The following TMEFF2 variants were observed in gnomAD, a reference collection of about 807,000 sequenced individuals.
The protein encoded by TMEFF2 is transmembrane protein with EGF like and two follistatin like domains 2, also known as tomoregulin-2.
TMEFF2 carries 28 observed loss-of-function variants against 53.8 expected under a neutral mutation model. The ratio of observed to expected loss-of-function variants is 0.52; its 90% CI spans 0.39 to 0.71. The LOEUF (loss-of-function observed/expected upper bound fraction) is 0.71, where lower values mean the gene tolerates loss of function less well. Among genes scored for constraint, TMEFF2 ranks in the 30% least tolerant of loss-of-function variants. The pLI, the probability that TMEFF2 is intolerant of heterozygous loss-of-function variation, is 0.00. For missense variants in TMEFF2, 353 were observed against 455.2 expected (o/e 0.78, Z 2.04); for synonymous variants, 162 against 166.3 (o/e 0.97, Z 0.20).
At chr2:192,074,681 C>T (rs905607780) in intron 4 of TMEFF2, among the ~76,000 whole-genome samples, 5 of 151,864 alleles carry the variant, frequency 3.3e-5, no homozygotes, top group Non-Finnish European at 5.9e-5. Context: ...TTCAACTGGT[C>T]AACAGCAACA....
Position 192,191,969 on chromosome 2 carries a change from C to T in TMEFF2, c.193G>A (p.Asp65Asn), listed in dbSNP as rs555477719. The T allele has an allele frequency of 1.2e-6, 2 of 1,612,614 alleles. No individual in the cohort carries two copies. Among genetic ancestry groups the T allele is most frequent in the Admixed American group, 3.3e-5 (2 of 60,008 alleles). ...NCSGYDDREN[D>N]LFLCDTNTCK... ...GTGTTGGTGTCACAGAGGAAGAGAT[C>T]ATTTTCTCTGTCATCATAACCTCAA... Residue 65 changes from aspartate to asparagine, a missense_variant, in exon 2 of 10, where the codon GAT becomes AAT. Transcript: ENST00000272771.
At chr2:192,072,817 T>C (rs977051744) in intron 4 of TMEFF2, among the ~76,000 whole-genome samples, 4 of 151,936 alleles carry the variant, frequency 2.6e-5, no homozygotes, top group Non-Finnish European at 4.4e-5. Context: ...AGAGATTTAG[T>C]CTATATAGTA....
intron 4 of TMEFF2, among the ~76,000 whole-genome samples, chr2:192,109,679 A>G (rs1559130183): frequency 6.6e-6 from 1 of 152,112 alleles, no homozygotes; most frequent in Non-Finnish European, 1.5e-5. Flanking sequence ...TGAAACAACC[A>G]TTTGTTTTCT....
At chr2:191,969,168 G>T (rs71414958) in intron 7 of TMEFF2, among the ~76,000 whole-genome samples, 4,214 of 22,476 alleles carry the variant, frequency 0.19, 158 homozygotes, top group African/African-American at 0.29. Context: ...TATATATATA[G>T]AGAGAGAGAG....
intron 5 of TMEFF2, among the ~76,000 whole-genome samples, chr2:192,007,875 G>C (rs34213493): frequency 6.6e-6 from 1 of 152,120 alleles, no homozygotes; most frequent in Admixed American, 6.5e-5. Context: ...TTGGTGGCTC[G>C]CTACTTAAGG....
chr2:192,047,025 A>G (rs917924002), intron 5 of TMEFF2, among the ~76,000 whole-genome samples: 6 of 151,802 alleles, frequency 4.0e-5, no homozygotes, highest in African/African-American at 1.5e-4. Context: ...GGTTCAGGCA[A>G]TTCTCCTGCT....
intron 5 of TMEFF2, among the ~76,000 whole-genome samples, chr2:192,011,186 C>T (rs539007827): frequency 2.9e-4 from 44 of 152,258 alleles, no homozygotes; most frequent in African/African-American, 1.1e-3. Context: ...AAGCATTCCC[C>T]AATGATAAAG....
intron 5 of TMEFF2, among the ~76,000 whole-genome samples, chr2:192,057,145 G>A (rs1191443251): frequency 2.0e-5 from 3 of 152,160 alleles, no homozygotes; most frequent in Non-Finnish European, 2.9e-5. Context: ...CTGTGCTCAA[G>A]TGTTCCTCCC....
intron 4 of TMEFF2, among the ~76,000 whole-genome samples, chr2:192,080,100 G>C (rs1443945583): frequency 1.3e-5 from 2 of 152,130 alleles, no homozygotes; most frequent in African/African-American, 2.4e-5. Context: ...ACATCAATTA[G>C]ACCACATTAT....
chr2:192,135,623 C>T (rs1242109460), intron 4 of TMEFF2, among the ~76,000 whole-genome samples: 8 of 151,888 alleles, frequency 5.3e-5, no homozygotes, highest in African/African-American at 1.5e-4. Flanking sequence ...AAATTTTCGC[C>T]GCCCCAACAC....
intron 8 of TMEFF2, among the ~76,000 whole-genome samples, chr2:191,954,612 ATGT>A (rs1232708508): frequency 6.6e-6 from 1 of 152,140 alleles, no homozygotes; most frequent in East Asian, 1.9e-4. Context: ...GTCAGAATAA[ATGT>A]TGAGAAATAT....
At chr2:192,134,550 TTCTA>T (rs578131439) in intron 4 of TMEFF2, among the ~76,000 whole-genome samples, 15 of 152,270 alleles carry the variant, frequency 9.9e-5, no homozygotes, top group African/African-American at 3.6e-4. Flanking sequence ...CCATCTGCTA[TTCTA>T]TCTGCTATTC....
At chr2:192,151,584 A>G (rs1438248241) in intron 4 of TMEFF2, among the ~76,000 whole-genome samples, 1 of 151,842 alleles carries the variant, frequency 6.6e-6, no homozygotes, top group Non-Finnish European at 1.5e-5. Flanking sequence ...GACTATCAAG[A>G]GCGTGATGGT....
chr2:192,015,309 T>A (rs944473087), intron 5 of TMEFF2, among the ~76,000 whole-genome samples: 1 of 29,800 alleles, frequency 3.4e-5, no homozygotes, highest in Admixed American at 4.5e-4. Context: ...TCACTGAAGC[T>A]TTTTTTTTTT....
At chr2:192,091,846 G>T (rs147793371) in intron 4 of TMEFF2, among the ~76,000 whole-genome samples, 49 of 152,250 alleles carry the variant, frequency 3.2e-4, no homozygotes, top group African/African-American at 1.1e-3. Flanking sequence ...AAAGGATGGG[G>T]ATAAAATTCC....
intron 5 of TMEFF2, chr2:192,038,034 G>A (rs1420339597): frequency 6.6e-6 from 1 of 152,174 alleles, no homozygotes; most frequent in Admixed American, 6.6e-5. Flanking sequence ...CCATTCTGTT[G>A]TGAAAGATTA....
intron 7 of TMEFF2, among the ~76,000 whole-genome samples, chr2:191,972,455 G>C (rs908921215): frequency 1.3e-5 from 2 of 151,456 alleles, no homozygotes; most frequent in Non-Finnish European, 2.9e-5. Flanking sequence ...GAACCACTGT[G>C]CCTGACCTAG....
At chr2:191,964,354 TTCTTTCTTTCTTTCTTTC>T (rs1182063798) in intron 7 of TMEFF2, among the ~76,000 whole-genome samples, 198 of 104,568 alleles carry the variant, frequency 1.9e-3, no homozygotes, top group South Asian at 4.6e-3. Flanking sequence ...CTTTCTTTCT[TTCTTTCTTTCTTTCTTTC>T]TCTTTCTTTC....
chr2:192,129,939 C>T lies in TMEFF2; in HGVS notation c.439+49729G>A, dbSNP rs529011130. On this transcript the variant is annotated intron_variant, in intron 4 of 9. Coordinates refer to ENST00000272771, the MANE Select transcript of TMEFF2 (RefSeq NM_016192.4). Reference sequence around the variant, plus strand: ...GAATATTGAAATAATTCGCCTGACCCTAGCATAGGTCACTTAGCTTAATTT... The same window carrying T: ...GAATATTGAAATAATTCGCCTGACCTTAGCATAGGTCACTTAGCTTAATTT... Among the ~76,000 whole-genome samples the T allele has an allele frequency of 7.2e-4, 110 of 152,300 alleles. 1 individual carries two copies. The highest frequency in any genetic ancestry group is 2.5e-3 in the African/African-American group (105 of 41,566).
Sources: allele counts gnomAD v4.1 joint callset (sites outside exome capture counted in the v4.1 genomes callset), GRCh38; gene constraint gnomAD v4.1.1; transcripts MANE v1.5; gene names NCBI Gene and HGNC (gene_info 2026-07-23, HGNC 2026-07-21).